PRUNE2: variants seen among roughly 807,000 people sequenced by gnomAD.
PRUNE2 encodes the protein prune homolog 2 with BCH domain.
A neutral mutation model predicts 252.0 loss-of-function variants in PRUNE2; 164 were observed. The observed-to-expected ratio is 0.65, with a 90% CI of 0.57 to 0.74. PRUNE2 has a LOEUF of 0.74. Ranked by LOEUF, PRUNE2 falls within the 30% of genes least tolerant of loss-of-function variation. The probability of loss-of-function intolerance (pLI) is 0.00; values close to 1 mark genes in which losing one functional copy is unlikely to be tolerated. For synonymous variants in PRUNE2, 1,292 were observed against 1,350.2 expected, an observed-to-expected ratio of 0.96 and a Z score of 0.94; for missense variants, 3,495 against 3,711.0, an observed-to-expected ratio of 0.94 and a Z score of 1.51.
chr9:76,683,104 G>C (rs907504938), intron 9 of PRUNE2, among the ~76,000 whole-genome samples: 3 of 152,190 alleles, frequency 2.0e-5, no homozygotes, highest in African/African-American at 7.2e-5. Context: ...AAGTCCCAGG[G>C]TTTGAGGGAT....
intron 6 of PRUNE2, among the ~76,000 whole-genome samples, chr9:76,720,969 C>A (rs888219091): frequency 6.6e-6 from 1 of 152,028 alleles, no homozygotes; most frequent in Non-Finnish European, 1.5e-5. Context: ...GGCGTGGTGA[C>A]CGGCGCGTGT....
intron 2 of PRUNE2, among the ~76,000 whole-genome samples, chr9:76,852,209 G>A (rs764667093): frequency 2.6e-5 from 4 of 152,162 alleles, no homozygotes; most frequent in Non-Finnish European, 5.9e-5. Context: ...CAACAAAGTG[G>A]GTTTTCTCCC....
intron 1 of PRUNE2, among the ~76,000 whole-genome samples, chr9:76,894,742 A>C (rs997722027): frequency 3.4e-5 from 5 of 148,186 alleles, no homozygotes; most frequent in African/African-American, 1.3e-4. Context: ...AGGACCAGCC[A>C]GGTACGGTGG....
At position 76,864,925 on chromosome 9, in the gene PRUNE2, C is replaced by T. The variant is rs116614378; in HGVS notation, c.37-10717G>A. Among the ~76,000 whole-genome samples the T allele has an allele frequency of 2.8e-3, 428 of 152,316 alleles. 3 individuals are homozygous for T. The highest frequency in any genetic ancestry group is 9.9e-3 in the African/African-American group (410 of 41,556). The stretch of plus-strand genomic sequence containing the variant: ...TGCCTTAAAGAGGACCCACGATAAG[C>T]TCTCAAGGACCATGTGGTCCCTGTC... On this transcript the variant is annotated intron_variant, in intron 1 of 18. Transcript: ENST00000376718.
intron 1 of PRUNE2, among the ~76,000 whole-genome samples, chr9:76,885,857 T>TA: frequency 6.7e-6 from 1 of 150,304 alleles, no homozygotes; most frequent in Non-Finnish European, 1.5e-5. Context: ...ATTTTTTTTT[T>TA]ATTATACTTT....
chr9:76,820,912 C>T (rs1272818320), intron 6 of PRUNE2, among the ~76,000 whole-genome samples: 1 of 152,158 alleles, frequency 6.6e-6, no homozygotes, highest in East Asian at 1.9e-4. Context: ...GAACTGCAAA[C>T]ACCCATAAGT....
intron 6 of PRUNE2, among the ~76,000 whole-genome samples, chr9:76,715,925 T>C (rs1369101429): frequency 6.6e-6 from 1 of 152,144 alleles, no homozygotes; most frequent in East Asian, 1.9e-4. Context: ...ACAACTTATT[T>C]CCAGTAACTG....
intron 6 of PRUNE2, among the ~76,000 whole-genome samples, chr9:76,813,845 C>T (rs2057516366): frequency 6.6e-6 from 1 of 152,010 alleles, no homozygotes; most frequent in African/African-American, 2.4e-5. Flanking sequence ...GAGACAGAGT[C>T]TCTCTCTGTC....
chr9:76,618,499 G>C (rs1299811258), intron 18 of PRUNE2, among the ~76,000 whole-genome samples: 1 of 152,204 alleles, frequency 6.6e-6, no homozygotes, highest in East Asian at 1.9e-4. Flanking sequence ...CTCTCTGAAA[G>C]CTTGCTGGTG....
chr9:76,809,470 G>T (rs991191345), intron 6 of PRUNE2, among the ~76,000 whole-genome samples: 4 of 152,192 alleles, frequency 2.6e-5, no homozygotes, highest in African/African-American at 9.7e-5. Flanking sequence ...GGCTGAGGTG[G>T]GTGGATCATG....
intron 9 of PRUNE2, among the ~76,000 whole-genome samples, chr9:76,683,899 ATT>A (rs1359588180): frequency 2.6e-5 from 4 of 151,060 alleles, no homozygotes; most frequent in Non-Finnish European, 4.4e-5. Flanking sequence ...CCCCATGAAT[ATT>A]TTTGTGTATA....
At position 76,707,968 on chromosome 9, in the gene PRUNE2, T is replaced by C. The variant is rs1337750156; in HGVS notation, c.4306A>G (p.Ser1436Gly). The change falls in exon 8 of 19, where the codon AGT becomes GGT. Residue 1436 changes from serine (S) to glycine (G), a missense_variant. Coordinates refer to ENST00000376718, the MANE Select transcript of PRUNE2 (RefSeq NM_015225.3). ...PKDTHEKHLM[S>G]QRNSGETTET... Reference sequence around the variant, plus strand: ...GTAGTTTCACCTGAATTTCTTTGACTCATGAGGTGTTTTTCATGGGTATCT... The same window carrying C: ...GTAGTTTCACCTGAATTTCTTTGACCCATGAGGTGTTTTTCATGGGTATCT... 6.2e-7 allele frequency: 1 copy of C among 1,613,964 alleles called. No individual in the cohort carries two copies.
At chr9:76,743,115 AG>A (rs1238165850) in intron 6 of PRUNE2, among the ~76,000 whole-genome samples, 7 of 152,178 alleles carry the variant, frequency 4.6e-5, no homozygotes, top group African/African-American at 1.7e-4. Flanking sequence ...TGCCATGTGA[AG>A]AAGGACGTGT....
chr9:76,897,996 C>A (rs1294560292), intron 1 of PRUNE2, among the ~76,000 whole-genome samples: 1 of 152,148 alleles, frequency 6.6e-6, no homozygotes, highest in Non-Finnish European at 1.5e-5. Flanking sequence ...AGGGCATACA[C>A]ACATGCAGCA....
intron 9 of PRUNE2, among the ~76,000 whole-genome samples, chr9:76,690,958 C>T (rs2044656689): frequency 6.6e-6 from 1 of 152,230 alleles, no homozygotes; most frequent in Non-Finnish European, 1.5e-5. Context: ...GGAAGTTTCT[C>T]TTAGCAATTA....
rs1435920449 is a variant in PRUNE2 at position 76,746,742 on chromosome 9, C to A, written c.757-33021G>T. Among the ~76,000 whole-genome samples the A allele has an allele frequency of 2.1e-3, 232 of 111,780 alleles. 1 individual carries two copies. Among genetic ancestry groups the A allele is most frequent in the Non-Finnish European group, 3.3e-3 (175 of 52,554 alleles). 73.3% of individuals were successfully genotyped at this position (111,780 alleles called of 152,430 possible). On this transcript the variant is annotated intron_variant, in intron 6 of 18. Coordinates refer to ENST00000376718, the MANE Select transcript of PRUNE2 (RefSeq NM_015225.3). ...AAAAAAAAAAAAAAAAAAAAAAAAA[C>A]CCCAAAGAGCAGGATTTGGGGAGCT...
intron 11 of PRUNE2, among the ~76,000 whole-genome samples, chr9:76,645,686 A>G (rs928974265): frequency 3.9e-5 from 6 of 152,120 alleles, no homozygotes; most frequent in African/African-American, 1.4e-4. Flanking sequence ...ATAAGCAGCA[A>G]TTGTTTCCAT....
intron 6 of PRUNE2, among the ~76,000 whole-genome samples, chr9:76,789,436 C>A (rs1489744393): frequency 6.6e-6 from 1 of 152,246 alleles, no homozygotes; most frequent in Non-Finnish European, 1.5e-5. Context: ...GGTCTTCTCA[C>A]TGTATCCAGG....
intron 1 of PRUNE2, among the ~76,000 whole-genome samples, chr9:76,857,546 T>A (rs1423660887): frequency 6.6e-6 from 1 of 152,178 alleles, no homozygotes; most frequent in African/African-American, 2.4e-5. Context: ...AAGTGCCCAA[T>A]TCCTACCAGT....
Sources: allele counts gnomAD v4.1 joint callset (sites outside exome capture counted in the v4.1 genomes callset), GRCh38; gene constraint gnomAD v4.1.1; transcripts MANE v1.5; gene names NCBI Gene and HGNC (gene_info 2026-07-23, HGNC 2026-07-21).